GSE1: variants seen among roughly 807,000 people sequenced by gnomAD.
GSE1 encodes Gse1 coiled-coil protein, also known as genetic suppressor element 1.
In GSE1, 32 loss-of-function variants were observed where a neutral mutation model predicts 112.6. The ratio of observed to expected loss-of-function variants is 0.28; its 90% CI spans 0.21 to 0.38. The LOEUF is 0.38. Among genes scored for constraint, GSE1 ranks in the 10% least tolerant of loss-of-function variants. GSE1 has a pLI of 1.00. For missense variants in GSE1, 2,348 were observed against 1,699.2 expected, an observed-to-expected ratio of 1.38 and a Z score of -6.71; for synonymous variants, 1,115 against 735.6, an observed-to-expected ratio of 1.52 and a Z score of -8.35.
chr16:85,298,496 C>T (rs2045429195), intron 1 of GSE1, among the ~76,000 whole-genome samples: 2 of 152,152 alleles, frequency 1.3e-5, no homozygotes, highest in Non-Finnish European at 2.9e-5. Flanking sequence ...GGCACGATCT[C>T]CGCTCACTGC....
At position 85,671,015 on chromosome 16, in the gene GSE1, G is replaced by A; in HGVS notation, c.3436G>A (p.Val1146Met). 8 of 1,610,388 alleles carry A rather than the reference G, an allele frequency of 5.0e-6. No individual in the cohort carries two copies. Among genetic ancestry groups the A allele is most frequent in the South Asian group, 3.3e-5 (3 of 90,984 alleles). ...HIEEQNLERQ[V>M]LQTQCRRLEA... ...TTCAGAGCAAAATCTGGAGCGGCAG[G>A]TGTTACAGACACAATGTAGACGACT... The change falls in exon 15 of 16, where the codon GTG (valine) becomes ATG (methionine). Residue 1146 changes from valine (V) to methionine (M), a missense_variant. Physicochemically the swap from Val to Met is conservative, Grantham distance 21 (BLOSUM62 1). Coordinates refer to ENST00000253458, the MANE Select transcript of GSE1 (RefSeq NM_014615.5).
intron 2 of GSE1, among the ~76,000 whole-genome samples, chr16:85,454,739 C>T (rs760668788): frequency 1.3e-5 from 2 of 152,128 alleles, no homozygotes; most frequent in African/African-American, 2.4e-5. Flanking sequence ...CACTCCTTGC[C>T]GTGTAGACGC....
rs1567781686 is a variant in GSE1 at position 85,674,033 on chromosome 16, T to C, written c.*1494T>C. On this transcript the variant is annotated 3_prime_UTR_variant, in exon 16 of 16. Coordinates refer to ENST00000253458, the MANE Select transcript of GSE1 (RefSeq NM_014615.5). ...AAAGCAACGGGCGAGTCTTCCTCCTTGTCCTAGTTACTGCCTATGGAGGCA... is the reference window on the plus strand; with the variant it reads ...AAAGCAACGGGCGAGTCTTCCTCCTCGTCCTAGTTACTGCCTATGGAGGCA... 1 of 152,316 alleles carries C rather than the reference T, an allele frequency of 6.6e-6. No homozygotes were observed. The highest frequency in any genetic ancestry group is 1.9e-4 in the East Asian group (1 of 5,178). 9.4% of individuals were successfully genotyped at this position (152,316 alleles called of 1,614,324 possible).
At chr16:85,375,602 G>A (rs2047401792) in intron 2 of GSE1, among the ~76,000 whole-genome samples, 1 of 152,174 alleles carries the variant, frequency 6.6e-6, no homozygotes, top group African/African-American at 2.4e-5. Flanking sequence ...GTTCAAGCAG[G>A]TATAGGGGAA....
chr16:85,303,136 G>C (rs1015750119), intron 1 of GSE1, among the ~76,000 whole-genome samples: 3 of 152,236 alleles, frequency 2.0e-5, no homozygotes, highest in African/African-American at 7.2e-5. Flanking sequence ...CCCTCTGGCC[G>C]TTGTTGCCCA....
chr16:85,289,620 G>A (rs976306787), intron 1 of GSE1, among the ~76,000 whole-genome samples: 8 of 152,322 alleles, frequency 5.3e-5, no homozygotes, highest in East Asian at 3.9e-4. Context: ...GAGCTGGACC[G>A]TCTGCAGCCT....
At chr16:85,648,814 A>G (rs897503114) in intron 3 of GSE1, 63 bp downstream of exon 3, 14 of 955,934 alleles carry the variant, frequency 1.5e-5, no homozygotes, top group African/African-American at 1.2e-4. Flanking sequence ...TCAGGCATCC[A>G]TTGGGGGCTC....
chr16:85,307,976 A>G (rs1374262915), intron 1 of GSE1, among the ~76,000 whole-genome samples: 1 of 152,156 alleles, frequency 6.6e-6, no homozygotes, highest in Non-Finnish European at 1.5e-5. Flanking sequence ...AGCTGATAGC[A>G]GGTTCTAGAT....
chr16:85,663,289 G>A (rs2052581357), intron 10 of GSE1, 55 bp from the exon 11 acceptor site: 2 of 1,591,660 alleles, frequency 1.3e-6, no homozygotes, highest in Non-Finnish European at 8.6e-7. Flanking sequence ...CCGGGACAGT[G>A]CAAGCATACC....
rs536685292 is a variant in GSE1 at position 85,311,777 on chromosome 16, C to T, written c.2284-45686C>T. Reference sequence around the variant, plus strand: ...CTCCAGGGACATCTGTCCCACCTGCCGATGCCCACATACCACCTTGCAGTC... The same window carrying T: ...CTCCAGGGACATCTGTCCCACCTGCTGATGCCCACATACCACCTTGCAGTC... On this transcript the variant is annotated intron_variant, in intron 1 of 2. Coordinates refer to the GSE1 transcript ENST00000637419. The surrounding 1 kb of genome is among the most constrained non-coding windows in gnomAD (Gnocchi z 4.2). 8.5e-5 allele frequency among the ~76,000 whole-genome samples: 13 copies of T among 152,296 alleles called. 1 individual carries two copies. In the South Asian group the frequency reaches 1.7e-3, roughly 19 times the overall value.
chr16:85,616,168 T>TC (rs1323519552), intron 1 of GSE1, among the ~76,000 whole-genome samples: 5 of 152,076 alleles, frequency 3.3e-5, no homozygotes, highest in Admixed American at 1.3e-4. Context: ...AGCTAGAGAT[T>TC]CCCCCCTTCC....
intron 8 of GSE1, chr16:85,659,309 C>T (rs999243049): frequency 2.0e-5 from 3 of 152,200 alleles, no homozygotes; most frequent in Admixed American, 6.5e-5. Context: ...CAAGCTTTGC[C>T]CAGGGTCTCT....
intron 2 of GSE1, among the ~76,000 whole-genome samples, chr16:85,488,928 G>A (rs1307903524): frequency 6.6e-6 from 1 of 152,052 alleles, no homozygotes; most frequent in African/African-American, 2.4e-5. Flanking sequence ...TGGGATGAGG[G>A]CCATCAACAG....
At chr16:85,652,961 AG>A (rs2051500443) in intron 3 of GSE1, among the ~76,000 whole-genome samples, 1 of 151,638 alleles carries the variant, frequency 6.6e-6, no homozygotes, top group East Asian at 2.0e-4. Context: ...AACGTGAGGA[AG>A]GGCCGGGTTC....
intron 1 of GSE1, among the ~76,000 whole-genome samples, chr16:85,246,348 TAC>T (rs375723620): frequency 0.49 from 29,882 of 61,292 alleles, 7,302 homozygotes; most frequent in East Asian, 0.74. Flanking sequence ...ACACGCTGTC[TAC>T]ACACACACAC....
intron 2 of GSE1, among the ~76,000 whole-genome samples, chr16:85,515,925 C>G (rs558032733): frequency 6.6e-6 from 1 of 152,304 alleles, no homozygotes; most frequent in East Asian, 1.9e-4. Flanking sequence ...GAGCCTGGGA[C>G]TCCACTCTGC....
At chr16:85,449,229 G>C (rs1255139358) in intron 2 of GSE1, among the ~76,000 whole-genome samples, 1 of 152,218 alleles carries the variant, frequency 6.6e-6, no homozygotes, top group African/African-American at 2.4e-5. Flanking sequence ...CAGTGTATTG[G>C]CTTGGGGCCC....
At chr16:85,507,290 G>A (rs1014366262) in intron 2 of GSE1, among the ~76,000 whole-genome samples, 8 of 152,178 alleles carry the variant, frequency 5.3e-5, no homozygotes, top group Non-Finnish European at 1.0e-4. Context: ...TTCTGCTTAC[G>A]TGGTATCCGG....
chr16:85,482,437 A>C (rs2050708227), intron 2 of GSE1, among the ~76,000 whole-genome samples: 1 of 152,138 alleles, frequency 6.6e-6, no homozygotes. Context: ...CCCCCAGCCC[A>C]TCTCTGACAA....
Sources: allele counts gnomAD v4.1 joint callset (sites outside exome capture counted in the v4.1 genomes callset), GRCh38; gene constraint gnomAD v4.1.1; non-coding constraint Gnocchi (gnomAD v3.1); transcripts MANE v1.5; gene names NCBI Gene and HGNC (gene_info 2026-07-23, HGNC 2026-07-21).